TARS3: variants seen among roughly 807,000 people sequenced by gnomAD.
TARS3 encodes threonine--tRNA ligase 2, cytoplasmic.
Under a neutral mutation model 103.5 loss-of-function variants are expected in TARS3, and 94 were observed. The ratio of observed to expected loss-of-function variants is 0.91; its 90% CI spans 0.77 to 1.08. The LOEUF (loss-of-function observed/expected upper bound fraction) is 1.08. TARS3 is among the 50% of genes least tolerant of loss of function. The pLI, the probability that TARS3 is intolerant of heterozygous loss-of-function variation, is 0.00. For missense variants in TARS3, 952 were observed against 995.2 expected, an observed-to-expected ratio of 0.96 and a Z score of 0.58; for synonymous variants, 416 against 355.4, an observed-to-expected ratio of 1.17 and a Z score of -1.92.
chr15:101,672,229 G>A (rs921801707), intron 13 of TARS3, among the ~76,000 whole-genome samples: 1 of 152,132 alleles, frequency 6.6e-6, no homozygotes, highest in Non-Finnish European at 1.5e-5. Flanking sequence ...GCACGTGTCT[G>A]GGAGGGTCAC....
At chr15:101,709,941 T>A (rs547884872) in intron 5 of TARS3, among the ~76,000 whole-genome samples, 3 of 152,150 alleles carry the variant, frequency 2.0e-5, no homozygotes, top group Non-Finnish European at 4.4e-5. Context: ...GCTGATGAGA[T>A]GACTGGTGGC....
chr15:101,718,721 G>A (rs755104522), intron 3 of TARS3, among the ~76,000 whole-genome samples: 1 of 152,072 alleles, frequency 6.6e-6, no homozygotes, highest in Non-Finnish European at 1.5e-5. Flanking sequence ...GGAGTGAGCC[G>A]AATAAAAAAG....
At chr15:101,708,142 T>G (rs918284944) in intron 6 of TARS3, among the ~76,000 whole-genome samples, 2 of 150,952 alleles carry the variant, frequency 1.3e-5, no homozygotes, top group Non-Finnish European at 2.9e-5. Flanking sequence ...GCTGAGGGAC[T>G]GAGACACGAG....
At chr15:101,698,320 G>A (rs1475505560) in intron 10 of TARS3, among the ~76,000 whole-genome samples, 5 of 151,894 alleles carry the variant, frequency 3.3e-5, no homozygotes, top group East Asian at 3.9e-4. Flanking sequence ...GCGACACAGC[G>A]AGACTCTGTC....
rs1900664380 is a variant in TARS3 at position 101,724,346 on chromosome 15, G to A, written c.42C>T (p.Arg14=). The part of the protein sequence containing the change: ...EALAAEAVAS[R]LERQEEDIRW... Reference sequence around the variant, plus strand: ...GGATGTCCTCCTCCTGCCGCTCCAGGCGCGACGCCACGGCCTCCGCCGCCA... The same window carrying A: ...GGATGTCCTCCTCCTGCCGCTCCAGACGCGACGCCACGGCCTCCGCCGCCA... Residue 14 remains arginine, a synonymous_variant, in exon 1 of 19, where the codon CGC becomes CGT. Transcript: ENST00000335968. The A allele has an allele frequency of 6.4e-7, 1 of 1,553,608 alleles. No individual in the cohort carries two copies. The highest frequency in any genetic ancestry group is 8.6e-7 in the Non-Finnish European group (1 of 1,156,618).
intron 10 of TARS3, among the ~76,000 whole-genome samples, chr15:101,692,689 G>C (rs533763115): frequency 6.6e-6 from 1 of 152,300 alleles, no homozygotes; most frequent in South Asian, 2.1e-4. Flanking sequence ...CACTTCTGCA[G>C]GCCTAGTGAT....
chr15:101,671,886 A>G (rs1897821615), intron 13 of TARS3, 138 bp from the exon 14 acceptor site: 1 of 719,300 alleles, frequency 1.4e-6, no homozygotes, highest in Admixed American at 2.9e-5. Flanking sequence ...TTTACATTCA[A>G]TAAACTATTG....
chr15:101,697,904 G>A (rs1224895089), intron 10 of TARS3, among the ~76,000 whole-genome samples: 2 of 152,138 alleles, frequency 1.3e-5, no homozygotes, highest in African/African-American at 2.4e-5. Context: ...TTATCTAACC[G>A]TGTTGATGAT....
chr15:101,662,239 T>A (rs1403372490), intron 15 of TARS3, among the ~76,000 whole-genome samples: 1 of 152,146 alleles, frequency 6.6e-6, no homozygotes, highest in African/African-American at 2.4e-5. Context: ...ATGAGGTGTA[T>A]CTTACATTTA....
intron 15 of TARS3, among the ~76,000 whole-genome samples, chr15:101,665,116 A>G (rs890281578): frequency 6.6e-6 from 1 of 152,124 alleles, no homozygotes; most frequent in African/African-American, 2.4e-5. Context: ...GAAAAATACC[A>G]AAAGGTCTAA....
intron 15 of TARS3, among the ~76,000 whole-genome samples, chr15:101,663,212 C>G (rs1897449755): frequency 6.6e-6 from 1 of 152,068 alleles, no homozygotes. Flanking sequence ...TTAAATTATA[C>G]TTTAAGTTCT....
rs558139063 is a variant in TARS3 at position 101,678,569 on chromosome 15, C to T, written c.1651-2832G>A. ...ATCAGTCCAGATATTGTCACTTTAC[C>T]AGCTCAGGTGAAGTACAAAAACTTT... is the stretch of plus-strand genomic sequence containing the variant. On this transcript the variant is annotated intron_variant, in intron 12 of 18. Coordinates refer to ENST00000335968, the MANE Select transcript of TARS3 (RefSeq NM_152334.3). Among the ~76,000 whole-genome samples the T allele has an allele frequency of 2.7e-4, 41 of 151,976 alleles. No homozygotes were observed. In the South Asian group the frequency reaches 7.5e-3, roughly 28 times the overall value.
At position 101,671,804 on chromosome 15, in the gene TARS3, T is replaced by C. The variant is rs1163505747; in HGVS notation, c.1789-56A>G. The C allele has an allele frequency of 7.8e-6, 11 of 1,403,736 alleles. No homozygotes were observed. In the South Asian group the frequency reaches 1.0e-4, roughly 13 times the overall value. The allele number at this position is 1,403,736 out of a possible 1,614,324, so 87.0% of individuals were successfully genotyped here. A position where few individuals can be genotyped will look rare whatever the true frequency, so the allele number is the denominator to read the frequency against. ...ATACACTGTATCTTTTTTTTTTACA[T>C]ACAGCTCACAAAAGTTACTATAACT... On this transcript the variant is annotated intron_variant, in intron 13 of 18. Coordinates refer to ENST00000335968, the MANE Select transcript of TARS3 (RefSeq NM_152334.3).
At chr15:101,669,527 C>T (rs187069579) in intron 15 of TARS3, among the ~76,000 whole-genome samples, 5 of 152,300 alleles carry the variant, frequency 3.3e-5, no homozygotes, top group African/African-American at 7.2e-5. Context: ...CTTACTGACT[C>T]GCCTGGAGCA....
rs767912108 is a variant in TARS3, at chr15:101,671,538, T to C, written c.1915A>G (p.Thr639Ala). 10 of 1,612,136 alleles carry C rather than the reference T, an allele frequency of 6.2e-6. No homozygotes were observed. Among genetic ancestry groups the C allele is most frequent in the Middle Eastern group, 1.7e-4 (1 of 6,058 alleles). ...GGCAGTTGGAAGTCCAGCTGAATTG[T>C]AGCACATTGATGGTATCTGCCAATA... Reference protein sequence around the residue: ...DAIGRYHQCATIQLDFQLPIR... With the variant: ...DAIGRYHQCAAIQLDFQLPIR... The change falls in exon 15 of 19, where the codon ACA (threonine) becomes GCA (alanine). Residue 639 changes from threonine to alanine, a missense_variant. By Grantham distance (58) the Thr-to-Ala change is moderately conservative (BLOSUM62 0). Coordinates refer to ENST00000335968, the MANE Select transcript of TARS3 (RefSeq NM_152334.3).
chr15:101,676,802 CTTTT>C (rs76822080), intron 12 of TARS3, among the ~76,000 whole-genome samples: 45 of 143,502 alleles, frequency 3.1e-4, no homozygotes, highest in African/African-American at 9.7e-4. Flanking sequence ...CCACTACACC[CTTTT>C]TTTTTTTTTT....
rs547782122 is a variant in TARS3 at position 101,701,712 on chromosome 15, C to T, written c.1221+527G>A. 1.9e-4 allele frequency among the ~76,000 whole-genome samples: 29 copies of T among 152,178 alleles called. No homozygotes were observed. In the South Asian group the frequency reaches 5.4e-3, roughly 28 times the overall value. On this transcript the variant is annotated intron_variant, in intron 9 of 18. Coordinates refer to ENST00000335968, the MANE Select transcript of TARS3 (RefSeq NM_152334.3). ...GAGCTGCTTTCCAGTCTGAGCTTTT[C>T]CTTCTACACGCTGCTCTGTCTCCCA...
rs904517804 is a variant in TARS3 at position 101,716,597 on chromosome 15, AT to A, written c.567-1635del. ...CCAATATTTGCTAGGCATTTTAATT[AT>A]TTTTTATGGGTACTTTGGGGGACGA... On this transcript the variant is annotated intron_variant, in intron 3 of 18. Transcript: ENST00000335968. 1.3e-5 allele frequency among the ~76,000 whole-genome samples: 2 copies of A among 152,224 alleles called. 1 individual carries two copies. Among genetic ancestry groups the A allele is most frequent in the South Asian group, 4.2e-4 (2 of 4,810 alleles).
chr15:101,692,149 CAGG>C (rs1898755219), intron 10 of TARS3, among the ~76,000 whole-genome samples: 1 of 152,222 alleles, frequency 6.6e-6, no homozygotes, highest in African/African-American at 2.4e-5. Flanking sequence ...AAAGGATTCA[CAGG>C]GTAGTGGAAG....
Sources: gnomAD v4.1 joint callset for allele counts (sites outside exome capture counted in the v4.1 genomes callset) on GRCh38, gnomAD v4.1.1 for gene constraint, MANE v1.5 for transcripts, NCBI Gene and HGNC (gene_info 2026-07-23, HGNC 2026-07-21) for gene names.